HS1BP3: variants seen among roughly 807,000 people sequenced by gnomAD.
HS1BP3 encodes the protein HCLS1-binding protein 3.
HS1BP3 carries 32 observed loss-of-function variants against 33.5 expected under a neutral mutation model. That is an observed-to-expected ratio of 0.95 (90% CI 0.72 to 1.28). HS1BP3 has a LOEUF of 1.28. HS1BP3 is among the 50% of genes most tolerant of loss of function. The pLI is 0.00. For synonymous variants in HS1BP3, 187 were observed against 209.2 expected, an observed-to-expected ratio of 0.89 and a Z score of 0.92; for missense variants, 486 against 502.3, an observed-to-expected ratio of 0.97 and a Z score of 0.31.
chr2:20,559,707 G>GAT (rs1692941088), downstream of HS1BP3, among the ~76,000 whole-genome samples: 3 of 128,958 alleles, frequency 2.3e-5, no homozygotes, highest in African/African-American at 8.2e-5. Flanking sequence ...CGGGTGGGTG[G>GAT]GTGGATGGAT....
intron 5 of HS1BP3, among the ~76,000 whole-genome samples, chr2:20,571,756 C>G (rs545758799): frequency 7.2e-5 from 11 of 152,358 alleles, no homozygotes; most frequent in African/African-American, 2.4e-4. Context: ...TTCCCTGGAG[C>G]CTGCTGAGTG....
chr2:20,627,866 C>T (rs866330131), intron 4 of HS1BP3, among the ~76,000 whole-genome samples: 1 of 152,162 alleles, frequency 6.6e-6, no homozygotes, highest in African/African-American at 2.4e-5. Context: ...GTGCCTGGTC[C>T]ATAACAGATG....
At chr2:20,579,092 T>C (rs1693468726) in intron 5 of HS1BP3, among the ~76,000 whole-genome samples, 1 of 152,204 alleles carries the variant, frequency 6.6e-6, no homozygotes, top group Non-Finnish European at 1.5e-5. Flanking sequence ...ACTCCTAATA[T>C]GCTCATCTGG....
At chr2:20,619,732 A>G (rs1246459396) in intron 6 of HS1BP3, among the ~76,000 whole-genome samples, 3 of 152,214 alleles carry the variant, frequency 2.0e-5, no homozygotes, top group African/African-American at 7.2e-5. Context: ...AGGCCGAGTG[A>G]CCTCGAGGGG....
Position 20,645,319 on chromosome 2 carries a change from T to C in HS1BP3, c.198+21A>G, listed in dbSNP as rs372994489. 3.1e-6 allele frequency: 5 copies of C among 1,608,956 alleles called. No individual in the cohort carries two copies. The African/African-American group carries it at 4.0e-5, about 13-fold the overall frequency. ...GACCCCGGGCACCCTCGAAACATCC[T>C]GGCCAGAGCCTCCGGCTCACCAAGA... On this transcript the variant is annotated intron_variant, in intron 2 of 6. Coordinates refer to ENST00000304031, the MANE Select transcript of HS1BP3 (RefSeq NM_022460.4).
chr2:20,629,015 C>A (rs59961647), intron 4 of HS1BP3, among the ~76,000 whole-genome samples: 1 of 152,082 alleles, frequency 6.6e-6, no homozygotes, highest in African/African-American at 2.4e-5. Flanking sequence ...AGGAGAGCAG[C>A]GGTGGTGCGA....
chr2:20,571,107 C>A (rs564191883), intron 5 of HS1BP3, among the ~76,000 whole-genome samples: 1 of 152,274 alleles, frequency 6.6e-6, no homozygotes, highest in East Asian at 1.9e-4. Context: ...AGACATAGAC[C>A]AGGCCTTGAG....
At chr2:20,616,435 G>A (rs140584227), downstream of HS1BP3, among the ~76,000 whole-genome samples, 380 of 152,334 alleles carry the variant, frequency 2.5e-3, 1 homozygote, top group Admixed American at 5.6e-3. Context: ...AGGCCAGGGC[G>A]GGTTTGCTGA....
intron 2 of HS1BP3, among the ~76,000 whole-genome samples, chr2:20,643,140 G>A (rs1193689738): frequency 6.6e-6 from 1 of 152,200 alleles, no homozygotes; most frequent in Non-Finnish European, 1.5e-5. Flanking sequence ...GGGAGTAAAG[G>A]AGTTCTTTGC....
chr2:20,593,822 C>T (rs1188350999), intron 3 of HS1BP3, among the ~76,000 whole-genome samples: 3 of 152,152 alleles, frequency 2.0e-5, no homozygotes, highest in Non-Finnish European at 4.4e-5. Context: ...AAGAGTGGGT[C>T]CTTTTGATGC....
chr2:20,641,527 G>A (rs997359579), intron 2 of HS1BP3, among the ~76,000 whole-genome samples: 12 of 152,208 alleles, frequency 7.9e-5, no homozygotes, highest in African/African-American at 2.7e-4. Flanking sequence ...CATATCAGGA[G>A]GGTGATCTCA....
chr2:20,621,192 G>A (rs1487459091), intron 6 of HS1BP3, among the ~76,000 whole-genome samples: 3 of 152,240 alleles, frequency 2.0e-5, no homozygotes, highest in Non-Finnish European at 4.4e-5. Flanking sequence ...ACAACTCCTG[G>A]CACTACCAGA....
downstream of HS1BP3, among the ~76,000 whole-genome samples, chr2:20,588,050 C>T (rs1291360583): frequency 6.6e-6 from 1 of 151,648 alleles, no homozygotes; most frequent in Non-Finnish European, 1.5e-5. Flanking sequence ...ATCCAGTCCT[C>T]GGAGACCAGC....
At position 20,623,877 on chromosome 2, in the gene HS1BP3, C is replaced by T. The variant is rs759028860; in HGVS notation, c.920+19G>A. ...AACACTCTCAGAGCTGGCCAAGCGCCGCTGGGGACAGGTGGTACCTGAACA... is the reference window on the plus strand; with the variant it reads ...AACACTCTCAGAGCTGGCCAAGCGCTGCTGGGGACAGGTGGTACCTGAACA... On this transcript the variant is annotated intron_variant, in intron 6 of 6. Transcript: ENST00000304031. 2.1e-5 allele frequency: 34 copies of T among 1,606,610 alleles called. No homozygotes were observed. The highest frequency in any genetic ancestry group is 4.5e-5 in the East Asian group (2 of 44,748).
At chr2:20,648,514 C>G (rs1238695475) in intron 1 of HS1BP3, among the ~76,000 whole-genome samples, 1 of 152,150 alleles carries the variant, frequency 6.6e-6, no homozygotes, top group Non-Finnish European at 1.5e-5. Flanking sequence ...GGCTGGAGCA[C>G]CCCCTCACTC....
intron 5 of HS1BP3, among the ~76,000 whole-genome samples, 177 bp downstream of exon 5, chr2:20,624,555 C>T (rs995126773): frequency 1.3e-5 from 2 of 152,192 alleles, no homozygotes; most frequent in African/African-American, 2.4e-5. Context: ...GCCTGGAAGC[C>T]CAGGGCCCAC....
downstream of HS1BP3, among the ~76,000 whole-genome samples, chr2:20,588,597 G>A (rs2149278173): frequency 6.6e-6 from 1 of 152,290 alleles, no homozygotes; most frequent in East Asian, 1.9e-4. Flanking sequence ...ATTTTTCTGG[G>A]GTTACACAGG....
chr2:20,641,286 C>A (rs767809432), intron 2 of HS1BP3, 106 bp from the exon 3 acceptor site: 6 of 989,346 alleles, frequency 6.1e-6, no homozygotes, highest in Non-Finnish European at 9.2e-6. Flanking sequence ...AGGAAGTGTG[C>A]CAGGTACGCC....
downstream of HS1BP3, among the ~76,000 whole-genome samples, chr2:20,616,345 G>A (rs984864754): frequency 1.1e-4 from 17 of 152,166 alleles, no homozygotes; most frequent in African/African-American, 4.1e-4. Flanking sequence ...GTTCTCTAGT[G>A]GATTTCAGTT....
Sources: gnomAD v4.1 joint callset for allele counts (sites outside exome capture counted in the v4.1 genomes callset) on GRCh38, gnomAD v4.1.1 for gene constraint, MANE v1.5 for transcripts, NCBI Gene and HGNC (gene_info 2026-07-23, HGNC 2026-07-21) for gene names.